Variants in IL1RAP observed in about 807,000 individuals in gnomAD.
IL1RAP encodes interleukin 1 receptor accessory protein.
A neutral mutation model predicts 60.7 loss-of-function variants in IL1RAP; 35 were observed. That is an observed-to-expected ratio of 0.58 (90% CI 0.44 to 0.76). The LOEUF (loss-of-function observed/expected upper bound fraction) is 0.76. Among genes scored for constraint, IL1RAP ranks in the 30% least tolerant of loss-of-function variants. The pLI, the probability that IL1RAP is intolerant of heterozygous loss-of-function variation, is 0.00. For missense variants in IL1RAP, 572 were observed against 693.9 expected (o/e 0.82, Z 1.97); for synonymous variants, 268 against 250.9 (o/e 1.07, Z -0.64).
At chr3:190,517,654 G>A (rs940958177) in intron 1 of IL1RAP, among the ~76,000 whole-genome samples, 4 of 152,200 alleles carry the variant, frequency 2.6e-5, no homozygotes, top group Admixed American at 1.3e-4. Context: ...GCTTGCAAAC[G>A]CAGATGTAGA....
At chr3:190,563,954 A>G (rs546088513) in intron 2 of IL1RAP, 1 of 206,022 alleles carries the variant, frequency 4.9e-6, no homozygotes, top group African/African-American at 2.3e-5. Flanking sequence ...AGAAAGCTGG[A>G]GTTTGATCAT....
At chr3:190,533,632 G>A (rs1035341404) in intron 1 of IL1RAP, among the ~76,000 whole-genome samples, 3 of 152,172 alleles carry the variant, frequency 2.0e-5, no homozygotes, top group African/African-American at 4.8e-5. Flanking sequence ...GCACGGTTCC[G>A]TCAGGCCCTC....
intron 3 of IL1RAP, among the ~76,000 whole-genome samples, chr3:190,567,356 A>G (rs1462968943): frequency 3.3e-5 from 5 of 152,252 alleles, no homozygotes; most frequent in Non-Finnish European, 7.3e-5. Flanking sequence ...TGCTAGTTAT[A>G]GTAATAATAA....
intron 5 of IL1RAP, among the ~76,000 whole-genome samples, chr3:190,611,189 G>T (rs1218190276): frequency 6.6e-6 from 1 of 152,074 alleles, no homozygotes; most frequent in Non-Finnish European, 1.5e-5. Context: ...AGGCATCTAA[G>T]CATCAATGAC....
At chr3:190,540,643 T>A (rs979831620) in intron 1 of IL1RAP, among the ~76,000 whole-genome samples, 4 of 152,134 alleles carry the variant, frequency 2.6e-5, no homozygotes, top group African/African-American at 9.7e-5. Flanking sequence ...TTGATTTTTT[T>A]AATATTACTT....
intron 1 of IL1RAP, among the ~76,000 whole-genome samples, chr3:190,547,303 A>T (rs890541179): frequency 6.6e-6 from 1 of 152,106 alleles, no homozygotes; most frequent in African/African-American, 2.4e-5. Context: ...CCTTCCCCCC[A>T]TCCAGTGTGA....
intron 1 of IL1RAP, among the ~76,000 whole-genome samples, chr3:190,532,035 A>T (rs1425701927): frequency 6.6e-6 from 1 of 152,042 alleles, no homozygotes. Context: ...AAGTCAGCCA[A>T]ACCTACCTGT....
chr3:190,655,866 C>A (rs1381986684), downstream of IL1RAP: 1 of 1,495,054 alleles, frequency 6.7e-7, no homozygotes, highest in East Asian at 2.5e-5. Flanking sequence ...TATACATTGT[C>A]CTATATTTCC....
chr3:190,516,797 T>A (rs1366485894), intron 1 of IL1RAP, among the ~76,000 whole-genome samples: 1 of 152,214 alleles, frequency 6.6e-6, no homozygotes, highest in Non-Finnish European at 1.5e-5. Context: ...GTCAAGTACA[T>A]GTAGTGAATA....
exon 12 of IL1RAP, chr3:190,657,775 G>A (rs1173218215): frequency 6.6e-6 from 1 of 152,180 alleles, no homozygotes; most frequent in Non-Finnish European, 1.5e-5. Flanking sequence ...GTCAGCTTCA[G>A]GCCGGGTGTG....
intron 5 of IL1RAP, among the ~76,000 whole-genome samples, chr3:190,611,312 T>C (rs1189920908): frequency 1.3e-5 from 2 of 152,188 alleles, no homozygotes; most frequent in Non-Finnish European, 2.9e-5. Flanking sequence ...GGATTAAGCC[T>C]TTGGATCCCA....
chr3:190,641,843 G>A (rs1351581291), intron 9 of IL1RAP, among the ~76,000 whole-genome samples: 3 of 152,148 alleles, frequency 2.0e-5, no homozygotes, highest in African/African-American at 7.2e-5. Flanking sequence ...AAATACCAAG[G>A]ACACAGTGAT....
chr3:190,612,108 C>G (rs1730872121), intron 5 of IL1RAP, among the ~76,000 whole-genome samples: 1 of 152,020 alleles, frequency 6.6e-6, no homozygotes, highest in Non-Finnish European at 1.5e-5. Context: ...TATATGATGT[C>G]TGTGATTTGC....
At chr3:190,577,086 G>A (rs570401524) in intron 3 of IL1RAP, among the ~76,000 whole-genome samples, 16 of 137,138 alleles carry the variant, frequency 1.2e-4, no homozygotes, top group African/African-American at 4.4e-4. Flanking sequence ...GGGCGACAGA[G>A]CGAGACTCCG....
chr3:190,623,490 G>T (rs1731956550), intron 7 of IL1RAP, 75 bp downstream of exon 7: 1 of 1,118,566 alleles, frequency 8.9e-7, no homozygotes, highest in Non-Finnish European at 1.4e-6. Context: ...TTAAGTTAAT[G>T]CAAGAAAATA....
chr3:190,520,858 G>A (rs1422516731), intron 1 of IL1RAP, among the ~76,000 whole-genome samples: 1 of 152,130 alleles, frequency 6.6e-6, no homozygotes, highest in African/African-American at 2.4e-5. Context: ...TAAGCATTAT[G>A]TCTGGAAATG....
chr3:190,659,448 A>G (rs1217309671), exon 12 of IL1RAP: 1 of 152,192 alleles, frequency 6.6e-6, no homozygotes, highest in Admixed American at 6.5e-5. Context: ...CAGAGGTTAT[A>G]TTATTATTTC....
chr3:190,567,587 C>T (rs533837211), intron 3 of IL1RAP, among the ~76,000 whole-genome samples: 4 of 152,078 alleles, frequency 2.6e-5, no homozygotes, highest in South Asian at 2.1e-4. Context: ...ATTATTTTTA[C>T]GAAATATGCT....
intron 2 of IL1RAP, among the ~76,000 whole-genome samples, chr3:190,558,267 A>G (rs1047356035): frequency 4.6e-5 from 7 of 152,174 alleles, no homozygotes; most frequent in Admixed American, 3.3e-4. Flanking sequence ...AGCTTTTTGT[A>G]TGAAAGTAAG....
Sources: gnomAD v4.1 joint callset for allele counts (sites outside exome capture counted in the v4.1 genomes callset) on GRCh38, gnomAD v4.1.1 for gene constraint, MANE v1.5 for transcripts, NCBI Gene and HGNC (gene_info 2026-07-23, HGNC 2026-07-21) for gene names.